Variants in FGF12 observed in about 807,000 individuals in gnomAD.
FGF12 encodes fibroblast growth factor 12B.
Under a neutral mutation model 23.6 loss-of-function variants are expected in FGF12, and 14 were observed. That is an observed-to-expected ratio of 0.59 (90% CI 0.39 to 0.93). The LOEUF is 0.93. Among genes scored for constraint, FGF12 ranks in the 40% least tolerant of loss-of-function variants. FGF12 has a pLI of 0.00. For synonymous variants in FGF12, 62 were observed against 77.3 expected (o/e 0.80, Z 1.04); for missense variants, 175 against 217.8 (o/e 0.80, Z 1.24).
intron 2 of FGF12, among the ~76,000 whole-genome samples, chr3:192,716,655 G>A (rs1363115169): frequency 6.6e-6 from 1 of 152,134 alleles, no homozygotes; most frequent in Non-Finnish European, 1.5e-5. Context: ...AAGCCTAAGG[G>A]TCAAATGCTA....
rs116284603 is a variant in FGF12 at position 192,653,176 on chromosome 3, A to T, written c.13+74005T>A. On this transcript the variant is annotated intron_variant, in intron 2 of 5. Coordinates refer to ENST00000445105, the MANE Select transcript of FGF12 (RefSeq NM_004113.6). Reference sequence around the variant, plus strand: ...ACGGTGGGCATATCCATTTCTCTGCAGTCTTTGGGTTTGGCTTAAAACTGG... The same window carrying T: ...ACGGTGGGCATATCCATTTCTCTGCTGTCTTTGGGTTTGGCTTAAAACTGG... Among the ~76,000 whole-genome samples the T allele has an allele frequency of 8.5e-3, 1,293 of 152,306 alleles. 15 individuals carry two copies. The highest frequency in any genetic ancestry group is 0.029 in the African/African-American group (1,219 of 41,554).
intron 2 of FGF12, among the ~76,000 whole-genome samples, chr3:192,555,687 A>G (rs1211236573): frequency 2.7e-5 from 4 of 150,832 alleles, no homozygotes; most frequent in Non-Finnish European, 4.4e-5. Flanking sequence ...AATCCCAGCT[A>G]ATCGGGAGGC....
chr3:192,356,705 T>A (rs1718487427), intron 3 of FGF12, among the ~76,000 whole-genome samples: 1 of 152,214 alleles, frequency 6.6e-6, no homozygotes, highest in African/African-American at 2.4e-5. Flanking sequence ...GACCTAATGA[T>A]GTCTAGTGAA....
intron 4 of FGF12, chr3:192,282,718 G>A (rs1280775384): frequency 6.6e-6 from 1 of 152,024 alleles, no homozygotes; most frequent in East Asian, 1.9e-4. Flanking sequence ...AGAGAGAGCT[G>A]TAACACATAT....
rs370317111 is a variant in FGF12 at position 192,537,950 on chromosome 3, C to CTTTTTTTTTTTTTTTTTTTTTTTTT, written c.14-177413_14-177412insAAAAAAAAAAAAAAAAAAAAAAAAA. ...AAGGTCTTAGATTTAAGCCTTTAAC[C>CTTTTTTTTTTTTTTTTTTTTTTTTT]TTTTTTTTTTTTTGAGATGGAGTTT... is the stretch of plus-strand genomic sequence containing the variant. On this transcript the variant is annotated intron_variant, in intron 2 of 5. Coordinates refer to ENST00000445105, the MANE Select transcript of FGF12 (RefSeq NM_004113.6). Among the ~76,000 whole-genome samples the CTTTTTTTTTTTTTTTTTTTTTTTTT allele has an allele frequency of 3.0e-3, 369 of 121,232 alleles. 30 individuals are homozygous for CTTTTTTTTTTTTTTTTTTTTTTTTT. Among genetic ancestry groups the CTTTTTTTTTTTTTTTTTTTTTTTTT allele is most frequent in the Middle Eastern group, 0.011 (2 of 190 alleles). 79.5% of individuals were successfully genotyped at this position (121,232 alleles called of 152,430 possible).
At position 192,658,482 on chromosome 3, in the gene FGF12, G is replaced by A. The variant is rs932935647; in HGVS notation, c.13+68699C>T. Among the ~76,000 whole-genome samples, 7 of 152,300 alleles carry A rather than the reference G, an allele frequency of 4.6e-5. No homozygotes were observed. The East Asian group carries it at 9.7e-4, about 21-fold the overall frequency. On this transcript the variant is annotated intron_variant, in intron 2 of 5. Transcript: ENST00000445105. Reference sequence around the variant, plus strand: ...GCTGAGCAAGCTGCAGCCTCTGCACGAAGATCCTCATGGAGAGCAGAGCAA... The same window carrying A: ...GCTGAGCAAGCTGCAGCCTCTGCACAAAGATCCTCATGGAGAGCAGAGCAA...
intron 3 of FGF12, among the ~76,000 whole-genome samples, chr3:192,354,772 C>T (rs1718391391): frequency 1.3e-5 from 2 of 152,220 alleles, no homozygotes; most frequent in African/African-American, 4.8e-5. Flanking sequence ...GTGGCACAAT[C>T]TCTGCTCACT....
chr3:192,183,122 G>C (rs1220790613), intron 4 of FGF12, among the ~76,000 whole-genome samples: 2 of 152,164 alleles, frequency 1.3e-5, no homozygotes, highest in Non-Finnish European at 2.9e-5. Context: ...GTGCAGTATT[G>C]CTGAGATATT....
rs920134166 is a variant in FGF12, at chr3:192,408,136, G to A, written c.14-47598C>T. 6.2e-7 allele frequency: 1 copy of A among 1,612,426 alleles called. No individual in the cohort carries two copies. The highest frequency in any genetic ancestry group is 8.5e-7 in the Non-Finnish European group (1 of 1,179,962). Reference sequence around the variant, plus strand: ...CGCCCGTCTTTGCTGGGGCTGGAGCGGCGCTTGGAGGCCGACACTCGGTCG... The same window carrying A: ...CGCCCGTCTTTGCTGGGGCTGGAGCAGCGCTTGGAGGCCGACACTCGGTCG... On this transcript the variant is annotated intron_variant, in intron 2 of 5. Transcript: ENST00000445105. The surrounding 1 kb of genome is among the most constrained non-coding windows in gnomAD (Gnocchi z 7.3).
chr3:192,514,183 C>T lies in FGF12; in HGVS notation c.14-153645G>A, dbSNP rs1020069284. On this transcript the variant is annotated intron_variant, in intron 2 of 5. Coordinates refer to ENST00000445105, the MANE Select transcript of FGF12 (RefSeq NM_004113.6). The surrounding 1 kb of genome is among the most constrained non-coding windows in gnomAD (Gnocchi z 4.9). ...TCGCTAAATCTCCAGGGGAAACGTA[C>T]CCCTAACCACCGCCAGATGTCTACT... Among the ~76,000 whole-genome samples, 1 of 152,180 alleles carries T rather than the reference C, an allele frequency of 6.6e-6. No homozygotes were observed. The highest frequency in any genetic ancestry group is 2.4e-5 in the African/African-American group (1 of 41,440).
At chr3:192,462,352 C>A (rs1460508715) in intron 2 of FGF12, among the ~76,000 whole-genome samples, 3 of 151,978 alleles carry the variant, frequency 2.0e-5, no homozygotes, top group African/African-American at 7.3e-5. Context: ...TCCATTCATG[C>A]ATTTAATGGG....
At chr3:192,543,819 G>T (rs567638228) in intron 2 of FGF12, among the ~76,000 whole-genome samples, 1 of 152,266 alleles carries the variant, frequency 6.6e-6, no homozygotes, top group African/African-American at 2.4e-5. Context: ...TGGAATTAAG[G>T]TCTGGGATGG....
At chr3:192,437,241 C>G (rs916724808) in intron 2 of FGF12, among the ~76,000 whole-genome samples, 12 of 152,108 alleles carry the variant, frequency 7.9e-5, no homozygotes, top group Admixed American at 4.6e-4. Context: ...CAATACCACT[C>G]TCAAAATCAT....
At chr3:192,166,914 C>T (rs75335805) in intron 5 of FGF12, among the ~76,000 whole-genome samples, 9,960 of 151,374 alleles carry the variant, frequency 0.066, 391 homozygotes, top group African/African-American at 0.097. Context: ...GGAAGTGAAT[C>T]AAAGTATTAG....
intron 5 of FGF12, among the ~76,000 whole-genome samples, chr3:192,167,769 A>AT (rs1553845519): frequency 0.093 from 3,587 of 38,498 alleles, 468 homozygotes; most frequent in Middle Eastern, 0.17. Flanking sequence ...ATATATATAT[A>AT]AAATTTTTTT....
intron 2 of FGF12, among the ~76,000 whole-genome samples, chr3:192,376,021 G>C (rs1719477540): frequency 6.6e-6 from 1 of 152,070 alleles, no homozygotes; most frequent in Non-Finnish European, 1.5e-5. Context: ...GAATCCACAT[G>C]ATGGGAAAAG....
chr3:192,157,021 GA>G (rs1714464395), intron 5 of FGF12, among the ~76,000 whole-genome samples: 1 of 152,180 alleles, frequency 6.6e-6, no homozygotes, highest in South Asian at 2.1e-4. Context: ...CTTTCTGAGT[GA>G]AAATAAGGTA....
At chr3:192,664,892 T>C (rs1716807466) in intron 2 of FGF12, among the ~76,000 whole-genome samples, 2 of 152,288 alleles carry the variant, frequency 1.3e-5, no homozygotes, top group South Asian at 4.1e-4. Context: ...ATCTAGAGTT[T>C]TACTAACATT....
intron 2 of FGF12, among the ~76,000 whole-genome samples, chr3:192,664,600 A>AAAAAAAAG (rs1716790832): frequency 7.1e-6 from 1 of 140,758 alleles, no homozygotes; most frequent in Non-Finnish European, 1.6e-5. Flanking sequence ...AATACAAAAA[A>AAAAAAAAG]AATACAAAAA....
Sources: allele counts gnomAD v4.1 joint callset (sites outside exome capture counted in the v4.1 genomes callset), GRCh38; gene constraint gnomAD v4.1.1; non-coding constraint Gnocchi (gnomAD v3.1); transcripts MANE v1.5; gene names NCBI Gene and HGNC (gene_info 2026-07-23, HGNC 2026-07-21).